The following FRMD4A variants were observed in gnomAD, a reference collection of about 807,000 sequenced individuals.
FRMD4A encodes the protein FERM domain containing 4A, also known as FERM domain-containing protein 4A.
Under a neutral mutation model 129.1 loss-of-function variants are expected in FRMD4A, and 29 were observed. The observed-to-expected ratio is 0.22, with a 90% CI of 0.17 to 0.31. The LOEUF is 0.31. Among genes scored for constraint, FRMD4A ranks in the 10% least tolerant of loss-of-function variants. FRMD4A has a pLI of 1.00. For missense variants in FRMD4A, 1,272 were observed against 1,375.8 expected (o/e 0.92, Z 1.19); for synonymous variants, 634 against 571.6 (o/e 1.11, Z -1.56).
At chr10:14,145,455 A>T (rs950980467) in intron 2 of FRMD4A, among the ~76,000 whole-genome samples, 6 of 152,180 alleles carry the variant, frequency 3.9e-5, no homozygotes, top group African/African-American at 1.4e-4. Flanking sequence ...ATGACCAGTG[A>T]CCGCATATGT....
In FRMD4A at chr10:13,813,683, A is replaced by G. The variant is rs2093487545; in HGVS notation, c.112-2775T>C. On this transcript the variant is annotated intron_variant, in intron 3 of 24. Coordinates refer to ENST00000357447, the MANE Select transcript of FRMD4A (RefSeq NM_018027.5). ...TTTATCATAGAGTGTTGAATGGCTC[A>G]TGTACTTTATTGAATTCAGTACACT... is the stretch of plus-strand genomic sequence containing the variant. 2.6e-5 allele frequency among the ~76,000 whole-genome samples: 4 copies of G among 152,334 alleles called. No homozygotes were observed. In the South Asian group the frequency reaches 8.3e-4, roughly 32 times the overall value.
At chr10:13,989,514 A>T (rs923256869) in intron 2 of FRMD4A, among the ~76,000 whole-genome samples, 3 of 152,184 alleles carry the variant, frequency 2.0e-5, no homozygotes, top group African/African-American at 7.2e-5. Flanking sequence ...TTTTTAGTAG[A>T]GATGGGGTTT....
At chr10:14,131,077 A>G (rs1476713563) in intron 2 of FRMD4A, among the ~76,000 whole-genome samples, 2 of 152,178 alleles carry the variant, frequency 1.3e-5, no homozygotes, top group Non-Finnish European at 2.9e-5. Context: ...TAACACCTCC[A>G]TGTTCTTCTA....
intron 2 of FRMD4A, among the ~76,000 whole-genome samples, chr10:13,871,924 G>A (rs1032111955): frequency 4.6e-5 from 7 of 152,192 alleles, no homozygotes; most frequent in Non-Finnish European, 1.0e-4. Flanking sequence ...TCCAGAGCTC[G>A]GCCACCCGGG....
intron 3 of FRMD4A, among the ~76,000 whole-genome samples, chr10:13,812,707 A>G (rs558029482): frequency 3.3e-5 from 5 of 152,332 alleles, no homozygotes; most frequent in East Asian, 1.9e-4. Flanking sequence ...ATGACCATCA[A>G]TTCACTGATG....
At chr10:14,034,369 T>C (rs1415818737) in intron 2 of FRMD4A, among the ~76,000 whole-genome samples, 1 of 152,096 alleles carries the variant, frequency 6.6e-6, no homozygotes, top group African/African-American at 2.4e-5. Flanking sequence ...TATTGCTGGA[T>C]CCTTGAGCAG....
intron 15 of FRMD4A, among the ~76,000 whole-genome samples, chr10:13,680,425 C>A (rs1298421579): frequency 6.7e-6 from 1 of 149,416 alleles, no homozygotes; most frequent in Non-Finnish European, 1.5e-5. Flanking sequence ...TGTTTAGCCC[C>A]TTGGAAATTA....
At chr10:14,280,294 G>T (rs1452151501) in intron 2 of FRMD4A, among the ~76,000 whole-genome samples, 1 of 151,982 alleles carries the variant, frequency 6.6e-6, no homozygotes, top group Non-Finnish European at 1.5e-5. Context: ...CTCTGACCCT[G>T]GCCATCAACA....
intron 5 of FRMD4A, among the ~76,000 whole-genome samples, chr10:13,783,496 C>T (rs995947195): frequency 6.6e-6 from 1 of 151,662 alleles, no homozygotes; most frequent in African/African-American, 2.4e-5. Context: ...GCAACCTTCC[C>T]GCCTCAGCTT....
At position 13,721,257 on chromosome 10, in the gene FRMD4A, G is replaced by A. The variant is rs944762185; in HGVS notation, c.760-14144C>T. ...AGAAATTTGGGAGGCTGAGGTGGGC[G>A]GATCACCTGAGGTCAGGAGTTTGAG... is the stretch of plus-strand genomic sequence containing the variant. On this transcript the variant is annotated intron_variant, in intron 12 of 24. Coordinates refer to ENST00000357447, the MANE Select transcript of FRMD4A (RefSeq NM_018027.5). 2.0e-5 allele frequency among the ~76,000 whole-genome samples: 3 copies of A among 152,108 alleles called. No homozygotes were observed. In the East Asian group the frequency reaches 5.8e-4, roughly 29 times the overall value.
chr10:13,831,693 C>T (rs907924497), intron 3 of FRMD4A, among the ~76,000 whole-genome samples: 1 of 152,164 alleles, frequency 6.6e-6, no homozygotes, highest in African/African-American at 2.4e-5. Flanking sequence ...ATAATTATTA[C>T]TTACTGCTTG....
At chr10:14,074,381 G>A (rs1281809580) in intron 2 of FRMD4A, 1 of 152,200 alleles carries the variant, frequency 6.6e-6, no homozygotes, top group Non-Finnish European at 1.5e-5. Context: ...GGTCTTCAAC[G>A]AGATGAATTA....
intron 2 of FRMD4A, among the ~76,000 whole-genome samples, chr10:14,310,072 C>T (rs377042678): frequency 1.8e-4 from 27 of 152,180 alleles, no homozygotes; most frequent in African/African-American, 6.5e-4. Flanking sequence ...AGTTGAACCC[C>T]AATGCATCTT....
intron 2 of FRMD4A, among the ~76,000 whole-genome samples, chr10:14,079,195 G>C (rs1415624673): frequency 6.6e-6 from 1 of 152,224 alleles, no homozygotes; most frequent in Non-Finnish European, 1.5e-5. Context: ...TGGGGAAGGT[G>C]AGCTGTGGGG....
At chr10:13,757,639 A>G (rs2091917977) in intron 8 of FRMD4A, among the ~76,000 whole-genome samples, 2 of 152,254 alleles carry the variant, frequency 1.3e-5, no homozygotes, top group Admixed American at 1.3e-4. Flanking sequence ...AGAGCCCAAA[A>G]GAAGAAACGG....
chr10:13,908,164 TAAAAAAAAAAAAAA>T (rs58370207), intron 2 of FRMD4A, among the ~76,000 whole-genome samples: 2 of 41,086 alleles, frequency 4.9e-5, no homozygotes, highest in Non-Finnish European at 8.5e-5. Flanking sequence ...AAACTCCATC[TAAAAAAAAAAAAAA>T]AAAAAAAAAA....
chr10:13,865,181 G>A (rs1247428701), intron 2 of FRMD4A, among the ~76,000 whole-genome samples: 2 of 152,096 alleles, frequency 1.3e-5, no homozygotes, highest in African/African-American at 4.8e-5. Flanking sequence ...GTCTGTACAA[G>A]AGGGATAAAA....
intron 2 of FRMD4A, among the ~76,000 whole-genome samples, chr10:14,120,114 C>G (rs1838418751): frequency 6.6e-6 from 1 of 151,778 alleles, no homozygotes; most frequent in Admixed American, 6.6e-5. Flanking sequence ...CACTTCCTTC[C>G]ATCTCCCAGG....
intron 12 of FRMD4A, among the ~76,000 whole-genome samples, chr10:13,711,757 C>T (rs929056700): frequency 1.3e-5 from 2 of 152,176 alleles, no homozygotes; most frequent in African/African-American, 2.4e-5. Context: ...TTTTGGCATC[C>T]CTCAAGAAGA....
Sources: gnomAD v4.1 joint callset for allele counts (sites outside exome capture counted in the v4.1 genomes callset) on GRCh38, gnomAD v4.1.1 for gene constraint, MANE v1.5 for transcripts, NCBI Gene and HGNC (gene_info 2026-07-23, HGNC 2026-07-21) for gene names.